Variants in ATF6 observed in about 807,000 individuals in gnomAD.
ATF6 encodes the protein cyclic AMP-dependent transcription factor ATF-6 alpha.
Under a neutral mutation model 83.6 loss-of-function variants are expected in ATF6, and 53 were observed. That is an observed-to-expected ratio of 0.63 (90% confidence interval 0.51 to 0.80). The LOEUF (loss-of-function observed/expected upper bound fraction) is 0.80. Among genes scored for constraint, ATF6 ranks in the 30% least tolerant of loss-of-function variants. ATF6 has a pLI of 0.00. For synonymous variants in ATF6, 288 were observed against 285.8 expected, an observed-to-expected ratio of 1.01 and a Z score of -0.08; for missense variants, 744 against 797.9, an observed-to-expected ratio of 0.93 and a Z score of 0.81.
chr1:161,833,590 C>T (rs563161192), intron 9 of ATF6, among the ~76,000 whole-genome samples: 121 of 152,090 alleles, frequency 8.0e-4, no homozygotes, highest in African/African-American at 2.8e-3. Context: ...AACCATGGCA[C>T]GAGAACTATG....
At chr1:161,808,682 C>T (rs1685365008) in intron 7 of ATF6, among the ~76,000 whole-genome samples, 2 of 152,046 alleles carry the variant, frequency 1.3e-5, no homozygotes, top group Admixed American at 6.6e-5. Context: ...AAGCAATCCT[C>T]CTGCCTCAGG....
chr1:161,958,259 A>G (rs1273784933), intron 15 of ATF6, among the ~76,000 whole-genome samples, 187 bp from the exon 16 acceptor site: 1 of 152,158 alleles, frequency 6.6e-6, no homozygotes, highest in Non-Finnish European at 1.5e-5. Flanking sequence ...TTGGGAGAGA[A>G]CAGGTGATCC....
chr1:161,777,481 AG>A (rs1181271777), intron 1 of ATF6, among the ~76,000 whole-genome samples: 1 of 152,212 alleles, frequency 6.6e-6, no homozygotes, highest in East Asian at 1.9e-4. Flanking sequence ...AGCATAAAAT[AG>A]GTAGAGAGTA....
intron 14 of ATF6, among the ~76,000 whole-genome samples, chr1:161,887,034 T>C (rs1687435105): frequency 6.6e-6 from 1 of 152,110 alleles, no homozygotes; most frequent in Admixed American, 6.6e-5. Context: ...AGGGAAGTGA[T>C]ATATTTGTCA....
intron 14 of ATF6, among the ~76,000 whole-genome samples, chr1:161,901,508 A>T (rs988909699): frequency 2.0e-4 from 31 of 151,850 alleles, no homozygotes; most frequent in African/African-American, 7.0e-4. Context: ...AAAAAAAAAA[A>T]TTAGTGAGAA....
chr1:161,947,804 C>A (rs1688778587), intron 15 of ATF6, among the ~76,000 whole-genome samples: 2 of 138,028 alleles, frequency 1.4e-5, no homozygotes, highest in Non-Finnish European at 3.0e-5. Context: ...AGTCCTTAAG[C>A]CACGCCTTTT....
chr1:161,793,530 GA>G (rs996556503), intron 6 of ATF6, among the ~76,000 whole-genome samples: 1 of 152,170 alleles, frequency 6.6e-6, no homozygotes, highest in African/African-American at 2.4e-5. Context: ...TTATTCTAGG[GA>G]TAGTCTCCAA....
intron 6 of ATF6, among the ~76,000 whole-genome samples, chr1:161,793,690 G>T (rs1432931811): frequency 6.6e-6 from 1 of 152,166 alleles, no homozygotes; most frequent in African/African-American, 2.4e-5. Flanking sequence ...TAAAGCAGGG[G>T]TATTCCTAAG....
intron 2 of ATF6, 121 bp from the exon 3 acceptor site, chr1:161,781,791 C>T: frequency 1.6e-6 from 1 of 612,776 alleles, no homozygotes; most frequent in Non-Finnish European, 2.8e-6. Flanking sequence ...TTAGAGTATT[C>T]TTTTTACTAG....
intron 15 of ATF6, among the ~76,000 whole-genome samples, chr1:161,950,254 A>G (rs1476282974): frequency 1.3e-5 from 2 of 152,174 alleles, no homozygotes; most frequent in Non-Finnish European, 2.9e-5. Flanking sequence ...TAATTCAGTG[A>G]TTCCTTGTAG....
chr1:161,847,076 G>T (rs140619314), intron 10 of ATF6, among the ~76,000 whole-genome samples: 1 of 151,988 alleles, frequency 6.6e-6, no homozygotes, highest in East Asian at 1.9e-4. Flanking sequence ...TTTCCATATT[G>T]CTTGTCAATA....
At chr1:161,879,537 A>C (rs371687216) in intron 14 of ATF6, among the ~76,000 whole-genome samples, 38 of 152,250 alleles carry the variant, frequency 2.5e-4, no homozygotes, top group African/African-American at 8.9e-4. Flanking sequence ...ATAAGAGCAC[A>C]CATTAACCAA....
At chr1:161,780,954 A>T (rs930553102) in intron 2 of ATF6, among the ~76,000 whole-genome samples, 2 of 152,136 alleles carry the variant, frequency 1.3e-5, no homozygotes, top group African/African-American at 4.8e-5. Context: ...GGGCTCAAGC[A>T]ATCCTATTGT....
chr1:161,924,836 A>G (rs1166334109), intron 15 of ATF6, among the ~76,000 whole-genome samples: 1 of 152,198 alleles, frequency 6.6e-6, no homozygotes, highest in Admixed American at 6.5e-5. Flanking sequence ...TCCTGTACTC[A>G]TGCCATAAAA....
At position 161,838,596 on chromosome 1, in the gene ATF6, T is replaced by A. The variant is rs1557988354; in HGVS notation, c.1188-7853T>A. Among the ~76,000 whole-genome samples, 4 of 152,298 alleles carry A rather than the reference T, an allele frequency of 2.6e-5. No individual in the cohort carries two copies. The East Asian group carries it at 7.7e-4, about 29-fold the overall frequency. On this transcript the variant is annotated intron_variant, in intron 9 of 15. Coordinates refer to ENST00000367942, the MANE Select transcript of ATF6 (RefSeq NM_007348.4). Reference sequence around the variant, plus strand: ...GCCAGGGTTCTTGGTTTTTCTTCATTTGGACCTCTCCACAGCTGCATGGGT... The same window carrying A: ...GCCAGGGTTCTTGGTTTTTCTTCATATGGACCTCTCCACAGCTGCATGGGT...
chr1:161,816,645 T>C (rs1399475426), intron 7 of ATF6, among the ~76,000 whole-genome samples: 1 of 152,230 alleles, frequency 6.6e-6, no homozygotes. Flanking sequence ...AGGAGATTAA[T>C]TGAATATATT....
At chr1:161,939,180 ACCT>A (rs1382988391) in intron 15 of ATF6, among the ~76,000 whole-genome samples, 6 of 152,062 alleles carry the variant, frequency 3.9e-5, no homozygotes, top group Admixed American at 2.0e-4. Flanking sequence ...TTTCACTGAG[ACCT>A]CCTGTCTGGT....
intron 9 of ATF6, among the ~76,000 whole-genome samples, chr1:161,822,049 G>A (rs1020495901): frequency 9.9e-5 from 15 of 152,112 alleles, no homozygotes; most frequent in African/African-American, 2.4e-4. Context: ...TGCTGTCATC[G>A]GAGGAAGCAA....
chr1:161,897,708 G>A (rs754461197), intron 14 of ATF6, among the ~76,000 whole-genome samples: 15 of 152,166 alleles, frequency 9.9e-5, no homozygotes, highest in South Asian at 4.1e-4. Flanking sequence ...TGTGCTGTAA[G>A]TGTAAAATAC....
Sources: gnomAD v4.1 joint callset for allele counts (sites outside exome capture counted in the v4.1 genomes callset) on GRCh38, gnomAD v4.1.1 for gene constraint, MANE v1.5 for transcripts, NCBI Gene and HGNC (gene_info 2026-07-23, HGNC 2026-07-21) for gene names.